The following SH3GLB1 variants were observed in gnomAD, a reference collection of about 807,000 sequenced individuals.
SH3GLB1 encodes SH3 domain containing GRB2 like, endophilin B1.
SH3GLB1 carries 17 observed loss-of-function variants against 42.0 expected under a neutral mutation model. The ratio of observed to expected loss-of-function variants is 0.40; its 90% CI spans 0.28 to 0.61. The LOEUF (loss-of-function observed/expected upper bound fraction) is 0.61. Among genes scored for constraint, SH3GLB1 ranks in the 20% least tolerant of loss-of-function variants. The pLI, the probability that SH3GLB1 is intolerant of heterozygous loss-of-function variation, is 0.36. For synonymous variants in SH3GLB1, 132 were observed against 146.6 expected (o/e 0.90, Z 0.72); for missense variants, 355 against 426.3 (o/e 0.83, Z 1.47).
At chr1:86,706,389 T>G (rs1653870350) in intron 1 of SH3GLB1, among the ~76,000 whole-genome samples, 1 of 152,256 alleles carries the variant, frequency 6.6e-6, no homozygotes, top group Non-Finnish European at 1.5e-5. Flanking sequence ...TCCTTCTAGC[T>G]TTTGATTTCT....
chr1:86,734,478 T>C lies in SH3GLB1; in HGVS notation c.571-124T>C. 3 of 670,298 alleles carry C rather than the reference T, an allele frequency of 4.5e-6. No individual in the cohort carries two copies. The South Asian group carries it at 5.7e-5, about 13-fold the overall frequency. The allele number at this position is 670,298 out of a possible 1,614,324, so 41.5% of individuals were successfully genotyped here. The stretch of plus-strand genomic sequence containing the variant: ...GGACCATTTTAGATACAAAGCAGAA[T>C]TGCGGAATTGCCAGATTATAACTTG... On this transcript the variant is annotated intron_variant, in intron 5 of 8. Transcript: ENST00000370558.
chr1:86,715,910 T>C, intron 2 of SH3GLB1, 45 bp downstream of exon 2: 1 of 1,554,850 alleles, frequency 6.4e-7, no homozygotes, highest in Non-Finnish European at 8.6e-7. Flanking sequence ...TATTAGTGGG[T>C]TTTTAAATGT....
chr1:86,723,234 G>A (rs1485503823), intron 4 of SH3GLB1, among the ~76,000 whole-genome samples: 2 of 152,150 alleles, frequency 1.3e-5, no homozygotes, highest in Non-Finnish European at 2.9e-5. Flanking sequence ...ATTAGCAGCC[G>A]GGCGTGATGG....
At chr1:86,714,039 C>T (rs1016505835) in intron 1 of SH3GLB1, among the ~76,000 whole-genome samples, 2 of 152,094 alleles carry the variant, frequency 1.3e-5, no homozygotes, top group Admixed American at 1.3e-4. Context: ...GATAAACTTG[C>T]TTATTAAAGG....
intron 2 of SH3GLB1, among the ~76,000 whole-genome samples, chr1:86,716,069 C>G (rs535013452): frequency 1.8e-4 from 28 of 152,112 alleles, no homozygotes; most frequent in African/African-American, 6.5e-4. Context: ...ATTTTTCAGT[C>G]TTTTATAGAA....
At chr1:86,736,660 G>C in intron 7 of SH3GLB1, among the ~76,000 whole-genome samples, 1 of 152,130 alleles carries the variant, frequency 6.6e-6, no homozygotes, top group East Asian at 1.9e-4. Context: ...CTTAGGACTT[G>C]GCCATTTAAA....
At chr1:86,720,006 A>C (rs939104113) in intron 3 of SH3GLB1, among the ~76,000 whole-genome samples, 7 of 151,612 alleles carry the variant, frequency 4.6e-5, no homozygotes, top group Non-Finnish European at 8.8e-5. Flanking sequence ...AAAAAAAAAA[A>C]AAAAAAAAAA....
chr1:86,722,739 A>C, intron 4 of SH3GLB1, 66 bp downstream of exon 4: 11 of 1,377,828 alleles, frequency 8.0e-6, no homozygotes, highest in South Asian at 1.5e-5. Flanking sequence ...TTAATGAATA[A>C]TTTGGCCTCT....
chr1:86,729,265 T>G (rs550449559), intron 5 of SH3GLB1, among the ~76,000 whole-genome samples: 1 of 152,186 alleles, frequency 6.6e-6, no homozygotes, highest in Non-Finnish European at 1.5e-5. Flanking sequence ...GCAGTACAGC[T>G]AATACATTGG....
intron 5 of SH3GLB1, among the ~76,000 whole-genome samples, chr1:86,733,329 C>G (rs1302172393): frequency 4.6e-5 from 7 of 152,208 alleles, no homozygotes; most frequent in African/African-American, 1.7e-4. Context: ...TTTGCTGCTA[C>G]TTCCTTGTAG....
chr1:86,723,687 T>A (rs1258808243), intron 4 of SH3GLB1, among the ~76,000 whole-genome samples: 2 of 152,232 alleles, frequency 1.3e-5, no homozygotes, highest in African/African-American at 2.4e-5. Flanking sequence ...TATTCATTAT[T>A]CTGTAAGTTT....
chr1:86,742,532 A>G, intron 8 of SH3GLB1, 96 bp downstream of exon 8: 1 of 812,104 alleles, frequency 1.2e-6, no homozygotes, highest in Non-Finnish European at 2.0e-6. Flanking sequence ...TTATTTGGAA[A>G]TGGTTTCATA....
intron 2 of SH3GLB1, 43 bp downstream of exon 2, chr1:86,715,908 G>A: frequency 6.4e-7 from 1 of 1,557,104 alleles, no homozygotes; most frequent in Non-Finnish European, 8.6e-7. Flanking sequence ...ACTATTAGTG[G>A]GTTTTTAAAT....
At chr1:86,714,851 A>G (rs1456142046) in intron 1 of SH3GLB1, among the ~76,000 whole-genome samples, 1 of 152,148 alleles carries the variant, frequency 6.6e-6, no homozygotes, top group Non-Finnish European at 1.5e-5. Flanking sequence ...TGTTTAATTA[A>G]AAGTATCCAG....
chr1:86,722,032 T>TTTA (rs869300014), intron 3 of SH3GLB1, among the ~76,000 whole-genome samples: 4 of 149,752 alleles, frequency 2.7e-5, no homozygotes, highest in African/African-American at 7.4e-5. Flanking sequence ...TTTTTTTTTT[T>TTTA]AATAGTGACA....
At chr1:86,724,867 C>G (rs1163201054) in intron 5 of SH3GLB1, among the ~76,000 whole-genome samples, 1 of 99,444 alleles carries the variant, frequency 1.0e-5, no homozygotes, top group Non-Finnish European at 1.9e-5. Flanking sequence ...GAGCCAGACC[C>G]TGTCTTTAAA....
intron 1 of SH3GLB1, among the ~76,000 whole-genome samples, chr1:86,705,392 C>G (rs1047576884): frequency 5.3e-5 from 8 of 152,150 alleles, no homozygotes; most frequent in African/African-American, 1.9e-4. Flanking sequence ...ACCCTCCCCT[C>G]GGAGTCCAAG....
chr1:86,742,981 T>A (rs1656130500), intron 8 of SH3GLB1, 147 bp from the exon 9 acceptor site: 1 of 659,032 alleles, frequency 1.5e-6, no homozygotes, highest in Admixed American at 3.0e-5. Flanking sequence ...TAATAATAAA[T>A]AAATCCTTTG....
At chr1:86,718,899 T>C (rs532591239) in intron 2 of SH3GLB1, among the ~76,000 whole-genome samples, 1 of 152,368 alleles carries the variant, frequency 6.6e-6, no homozygotes, top group East Asian at 1.9e-4. Context: ...GAATGCATGC[T>C]CAGAGATATA....
Sources: gnomAD v4.1 joint callset for allele counts (sites outside exome capture counted in the v4.1 genomes callset) on GRCh38, gnomAD v4.1.1 for gene constraint, MANE v1.5 for transcripts, NCBI Gene and HGNC (gene_info 2026-07-23, HGNC 2026-07-21) for gene names.